PCDH15: variants seen among roughly 807,000 people sequenced by gnomAD.
PCDH15 encodes protocadherin-15.
PCDH15 carries 129 observed loss-of-function variants against 178.5 expected under a neutral mutation model. The observed-to-expected ratio is 0.72, with a 90% confidence interval of 0.63 to 0.84. The LOEUF (loss-of-function observed/expected upper bound fraction) is 0.84. Among genes scored for constraint, PCDH15 ranks in the 40% least tolerant of loss-of-function variants. PCDH15 has a pLI of 0.00. For missense variants in PCDH15, 2,230 were observed against 2,099.9 expected (o/e 1.06, Z -1.21); for synonymous variants, 800 against 732.0 (o/e 1.09, Z -1.50).
At chr10:54,094,262 G>A (rs185445499) in intron 15 of PCDH15, among the ~76,000 whole-genome samples, 1 of 152,322 alleles carries the variant, frequency 6.6e-6, no homozygotes, top group East Asian at 1.9e-4. Context: ...TTACATGGTA[G>A]TGGAGGAAAA....
At chr10:54,856,330 T>C (rs1245584651) in intron 3 of PCDH15, among the ~76,000 whole-genome samples, 1 of 152,154 alleles carries the variant, frequency 6.6e-6, no homozygotes, top group Admixed American at 6.5e-5. Context: ...AACATTTTTA[T>C]TGTAAAAAGC....
intron 2 of PCDH15, among the ~76,000 whole-genome samples, chr10:55,601,894 G>C (rs1843089159): frequency 6.6e-6 from 1 of 152,040 alleles, no homozygotes; most frequent in African/African-American, 2.4e-5. Context: ...AGCCAAGATG[G>C]CCAAATAGGA....
chr10:55,174,126 T>C (rs1175159632), intron 1 of PCDH15, among the ~76,000 whole-genome samples: 1 of 152,186 alleles, frequency 6.6e-6, no homozygotes, highest in East Asian at 1.9e-4. Flanking sequence ...TACCATGACA[T>C]GAAATCGATT....
chr10:54,853,316 T>TACAC (rs1231984925), intron 3 of PCDH15, among the ~76,000 whole-genome samples: 33 of 115,132 alleles, frequency 2.9e-4, no homozygotes, highest in African/African-American at 1.1e-3. Context: ...TATATATATA[T>TACAC]ATACATACAC....
chr10:54,450,974 A>G (rs112194351), intron 3 of PCDH15, among the ~76,000 whole-genome samples: 2,175 of 151,970 alleles, frequency 0.014, 57 homozygotes, highest in African/African-American at 0.05. Flanking sequence ...GAATTCTCTC[A>G]AAGTTAAATT....
chr10:55,469,995 C>T (rs561771671), intron 2 of PCDH15, among the ~76,000 whole-genome samples: 1 of 151,872 alleles, frequency 6.6e-6, no homozygotes, highest in Non-Finnish European at 1.5e-5. Flanking sequence ...TGCTTTTTTA[C>T]CTAGAAAATA....
rs867804295 is a variant in PCDH15, at chr10:54,448,047, C to T, written c.158-69105G>A. Among the ~76,000 whole-genome samples, 176 of 151,518 alleles carry T rather than the reference C, an allele frequency of 1.2e-3. 2 individuals are homozygous for T. Among genetic ancestry groups the T allele is most frequent in the African/African-American group, 4.0e-3 (164 of 41,438 alleles). On this transcript the variant is annotated intron_variant, in intron 3 of 37. Coordinates refer to ENST00000644397, the MANE Select transcript of PCDH15 (RefSeq NM_001384140.1). ...GAAAAGATTTTATTCAGTTTTAGAACGTTAAAGTTTCTCCACTCTAATATA... is the reference window on the plus strand; with the variant it reads ...GAAAAGATTTTATTCAGTTTTAGAATGTTAAAGTTTCTCCACTCTAATATA...
At chr10:55,508,674 G>A (rs1840813875) in intron 2 of PCDH15, among the ~76,000 whole-genome samples, 2 of 151,660 alleles carry the variant, frequency 1.3e-5, no homozygotes, top group African/African-American at 4.8e-5. Flanking sequence ...AAACTGGTTG[G>A]GGAAAATTGT....
intron 2 of PCDH15, among the ~76,000 whole-genome samples, chr10:55,606,641 T>C: frequency 6.8e-6 from 1 of 148,090 alleles, no homozygotes; most frequent in Non-Finnish European, 1.5e-5. Flanking sequence ...AAACAAGCAA[T>C]GGGGAAAGGA....
At chr10:55,503,980 C>G (rs1840709642) in intron 2 of PCDH15, among the ~76,000 whole-genome samples, 1 of 151,380 alleles carries the variant, frequency 6.6e-6, no homozygotes, top group African/African-American at 2.4e-5. Context: ...ATAGACAAAA[C>G]TATACAGAAT....
chr10:55,350,248 TATATATATATATATATATATACACAC>T (rs1207032653), intron 2 of PCDH15, among the ~76,000 whole-genome samples: 1 of 63,290 alleles, frequency 1.6e-5, no homozygotes, highest in African/African-American at 7.6e-5. Flanking sequence ...TATATATATA[TATATATATATATATATATATACACAC>T]ACACACACAC....
intron 3 of PCDH15, among the ~76,000 whole-genome samples, chr10:54,833,881 T>C (rs552756626): frequency 1.3e-5 from 2 of 152,316 alleles, no homozygotes; most frequent in East Asian, 1.9e-4. Flanking sequence ...TGTTTGATCA[T>C]GGGTAGATCG....
chr10:54,999,490 T>G (rs575859769), intron 2 of PCDH15, among the ~76,000 whole-genome samples: 30 of 152,324 alleles, frequency 2.0e-4, no homozygotes, highest in Non-Finnish European at 4.1e-4. Context: ...TTACAAAGTT[T>G]TAATGTTCAG....
intron 14 of PCDH15, among the ~76,000 whole-genome samples, chr10:54,151,545 A>T (rs561217262): frequency 6.6e-6 from 1 of 152,156 alleles, no homozygotes; most frequent in South Asian, 2.1e-4. Flanking sequence ...GGCTAGGGGG[A>T]AAAAATGTAA....
intron 8 of PCDH15, among the ~76,000 whole-genome samples, chr10:54,279,839 C>T (rs12256455): frequency 3.3e-5 from 5 of 151,428 alleles, no homozygotes; most frequent in African/African-American, 9.7e-5. Context: ...CAGGTGACTG[C>T]GCATGGTAGA....
chr10:55,176,381 T>C (rs982723960), intron 1 of PCDH15, among the ~76,000 whole-genome samples: 1 of 152,142 alleles, frequency 6.6e-6, no homozygotes, highest in Non-Finnish European at 1.5e-5. Context: ...GTATACTCTT[T>C]GTCTTCCCCC....
intron 2 of PCDH15, among the ~76,000 whole-genome samples, chr10:55,394,891 T>C (rs1465510199): frequency 6.6e-6 from 1 of 152,134 alleles, no homozygotes; most frequent in East Asian, 1.9e-4. Context: ...TTAGAACACC[T>C]GGCTTTAGGT....
At chr10:53,817,056 G>A (rs2076083868) in intron 34 of PCDH15, among the ~76,000 whole-genome samples, 1 of 152,178 alleles carries the variant, frequency 6.6e-6, no homozygotes, top group South Asian at 2.1e-4. Flanking sequence ...GGAAAAGTGG[G>A]TAGTGAGGTT....
chr10:54,703,067 T>C (rs77276715), intron 1 of PCDH15, among the ~76,000 whole-genome samples: 1 of 152,084 alleles, frequency 6.6e-6, no homozygotes. Flanking sequence ...GCAAGGTTGG[T>C]TCAACATATG....
Sources: gnomAD v4.1 joint callset for allele counts (sites outside exome capture counted in the v4.1 genomes callset) on GRCh38, gnomAD v4.1.1 for gene constraint, MANE v1.5 for transcripts, NCBI Gene and HGNC (gene_info 2026-07-23, HGNC 2026-07-21) for gene names.